The following SNX29 variants were observed in gnomAD, a reference collection of about 807,000 sequenced individuals.
SNX29 encodes sorting nexin-29.
Under a neutral mutation model 102.1 loss-of-function variants are expected in SNX29, and 78 were observed. That is an observed-to-expected ratio of 0.76 (90% CI 0.64 to 0.92). The LOEUF (loss-of-function observed/expected upper bound fraction) is 0.92, where lower values mean the gene tolerates loss of function less well. Among genes scored for constraint, SNX29 ranks in the 40% least tolerant of loss-of-function variants. SNX29 has a pLI of 0.00. For synonymous variants in SNX29, 580 were observed against 414.5 expected, an observed-to-expected ratio of 1.40 and a Z score of -4.85; for missense variants, 1,280 against 1,061.7, an observed-to-expected ratio of 1.21 and a Z score of -2.86.
intron 18 of SNX29, among the ~76,000 whole-genome samples, chr16:12,449,747 A>G (rs2086221744): frequency 1.3e-5 from 2 of 152,142 alleles, no homozygotes; most frequent in Admixed American, 6.5e-5. Context: ...GCTGACCACT[A>G]TCCCTTCTCT....
chr16:11,979,618 C>G (rs1392072706), intron 1 of SNX29, among the ~76,000 whole-genome samples: 2 of 152,154 alleles, frequency 1.3e-5, no homozygotes, highest in Admixed American at 6.6e-5. Flanking sequence ...GAGTCACGCT[C>G]TGTCACCCAG....
chr16:12,494,399 G>T (rs567078380), intron 19 of SNX29, among the ~76,000 whole-genome samples: 1 of 152,144 alleles, frequency 6.6e-6, no homozygotes, highest in Non-Finnish European at 1.5e-5. Flanking sequence ...CAGACTCCGC[G>T]CACTGAGAGA....
At chr16:12,187,586 T>C (rs2076542171) in intron 13 of SNX29, among the ~76,000 whole-genome samples, 1 of 152,052 alleles carries the variant, frequency 6.6e-6, no homozygotes, top group African/African-American at 2.4e-5. Flanking sequence ...CCCAGTTGTG[T>C]TCTCTCCATC....
chr16:12,520,700 G>C (rs2090064260), intron 19 of SNX29, among the ~76,000 whole-genome samples: 1 of 152,220 alleles, frequency 6.6e-6, no homozygotes, highest in Non-Finnish European at 1.5e-5. Flanking sequence ...CTCAGGAATG[G>C]AAAACCGAAT....
chr16:12,112,859 C>T (rs1223564968), intron 11 of SNX29, among the ~76,000 whole-genome samples: 2 of 152,120 alleles, frequency 1.3e-5, no homozygotes, highest in Non-Finnish European at 2.9e-5. Flanking sequence ...CTCTTCCTGC[C>T]GGAGGAGGAT....
chr16:12,501,585 G>A (rs2089125009), intron 19 of SNX29, among the ~76,000 whole-genome samples: 1 of 151,900 alleles, frequency 6.6e-6, no homozygotes, highest in African/African-American at 2.4e-5. Context: ...AGCTGAGCAT[G>A]GTGATGCATG....
chr16:12,540,560 G>T (rs938969931), intron 20 of SNX29, among the ~76,000 whole-genome samples: 4 of 152,222 alleles, frequency 2.6e-5, no homozygotes, highest in African/African-American at 9.6e-5. Context: ...CCTATGCCAT[G>T]GCCCCTTCTT....
intron 3 of SNX29, among the ~76,000 whole-genome samples, chr16:12,015,887 C>G (rs2056832718): frequency 1.3e-5 from 2 of 150,794 alleles, no homozygotes; most frequent in Non-Finnish European, 2.9e-5. Flanking sequence ...TTTTTTGGGA[C>G]AGAATGTCGC....
chr16:12,486,737 C>G (rs764722296), intron 19 of SNX29, among the ~76,000 whole-genome samples: 2 of 152,186 alleles, frequency 1.3e-5, no homozygotes, highest in African/African-American at 2.4e-5. Flanking sequence ...CCGTGGAGAG[C>G]AGGGGGCGGG....
chr16:12,204,098 T>A (rs554763004), intron 14 of SNX29, among the ~76,000 whole-genome samples: 21 of 152,298 alleles, frequency 1.4e-4, no homozygotes, highest in Non-Finnish European at 2.6e-4. Flanking sequence ...GTCAGCTTGT[T>A]TCCACATAGA....
intron 20 of SNX29, among the ~76,000 whole-genome samples, chr16:12,554,926 G>A (rs1393526565): frequency 1.3e-5 from 2 of 151,888 alleles, no homozygotes; most frequent in Admixed American, 6.5e-5. Flanking sequence ...GGCTGAGGAG[G>A]GCAGCAAGCA....
chr16:12,236,277 T>A (rs556840820), intron 14 of SNX29, among the ~76,000 whole-genome samples: 1 of 152,312 alleles, frequency 6.6e-6, no homozygotes, highest in South Asian at 2.1e-4. Flanking sequence ...GTGTCTATTT[T>A]CAAAGCCTTC....
chr16:12,351,995 T>C (rs2082002886), intron 15 of SNX29, among the ~76,000 whole-genome samples: 1 of 152,116 alleles, frequency 6.6e-6, no homozygotes, highest in Admixed American at 6.5e-5. Flanking sequence ...ATCCCAGCCA[T>C]TTGGAGTTAA....
At chr16:12,085,615 C>T (rs558205694) in intron 11 of SNX29, among the ~76,000 whole-genome samples, 1 of 152,174 alleles carries the variant, frequency 6.6e-6, no homozygotes, top group Non-Finnish European at 1.5e-5. Context: ...GCGTGAGCCA[C>T]CGTGCCCAGC....
chr16:12,037,185 C>G (rs371622189), intron 4 of SNX29, among the ~76,000 whole-genome samples: 1 of 152,202 alleles, frequency 6.6e-6, no homozygotes, highest in Admixed American at 6.5e-5. Flanking sequence ...ATCGCAGTGA[C>G]TCAGCTCTGC....
chr16:12,371,839 C>T (rs1357118034), intron 16 of SNX29, among the ~76,000 whole-genome samples: 2 of 152,192 alleles, frequency 1.3e-5, no homozygotes, highest in South Asian at 2.1e-4. Context: ...CTCTCGCCTT[C>T]GCCCTATGTC....
At chr16:12,085,579 G>A (rs1157651121) in intron 11 of SNX29, among the ~76,000 whole-genome samples, 1 of 152,230 alleles carries the variant, frequency 6.6e-6, no homozygotes, top group East Asian at 1.9e-4. Flanking sequence ...CTCCTGCCTC[G>A]GCCTCCCAAA....
intron 20 of SNX29, among the ~76,000 whole-genome samples, chr16:12,550,850 A>C (rs2077930987): frequency 6.6e-6 from 1 of 152,172 alleles, no homozygotes; most frequent in Non-Finnish European, 1.5e-5. Context: ...TTTGAGCAGT[A>C]TTTTCATGAT....
intron 18 of SNX29, among the ~76,000 whole-genome samples, chr16:12,439,870 G>T (rs1359666381): frequency 2.0e-5 from 3 of 152,208 alleles, no homozygotes; most frequent in South Asian, 4.1e-4. Context: ...GGTGCAGGGT[G>T]GGTGCTCCCC....
Sources: allele counts gnomAD v4.1 joint callset (sites outside exome capture counted in the v4.1 genomes callset), GRCh38; gene constraint gnomAD v4.1.1; transcripts MANE v1.5; gene names NCBI Gene and HGNC (gene_info 2026-07-23, HGNC 2026-07-21).